The following R3HDM1 variants were observed in gnomAD, a reference collection of about 807,000 sequenced individuals.
R3HDM1 encodes R3H domain-containing protein 1.
Under a neutral mutation model 141.1 loss-of-function variants are expected in R3HDM1, and 46 were observed. That is an observed-to-expected ratio of 0.33 (90% confidence interval 0.26 to 0.42). The LOEUF (loss-of-function observed/expected upper bound fraction) is 0.42. Among genes scored for constraint, R3HDM1 ranks in the 10% least tolerant of loss-of-function variants. The pLI, the probability that R3HDM1 is intolerant of heterozygous loss-of-function variation, is 1.00. For missense variants in R3HDM1, 1,184 were observed against 1,368.3 expected (o/e 0.87, Z 2.12); for synonymous variants, 435 against 472.9 (o/e 0.92, Z 1.04).
intron 21 of R3HDM1, among the ~76,000 whole-genome samples, chr2:135,699,027 A>T (rs1374918709): frequency 8.4e-6 from 1 of 118,674 alleles, no homozygotes; most frequent in Non-Finnish European, 2.0e-5. Context: ...AGATAGATAG[A>T]TAGATAGATA....
intron 1 of R3HDM1, among the ~76,000 whole-genome samples, chr2:135,555,370 C>T (rs970397820): frequency 6.6e-6 from 1 of 151,162 alleles, no homozygotes; most frequent in Non-Finnish European, 1.5e-5. Context: ...TAGTGAGATA[C>T]CTTTGTGTCT....
intron 21 of R3HDM1, among the ~76,000 whole-genome samples, chr2:135,697,889 A>G (rs2073500547): frequency 6.6e-6 from 1 of 151,824 alleles, no homozygotes. Context: ...CCCCATCTCT[A>G]CCAAAAACAA....
intron 3 of R3HDM1, chr2:135,607,928 C>T (rs978211466): frequency 2.9e-5 from 29 of 983,560 alleles, no homozygotes; most frequent in East Asian, 1.1e-4. Flanking sequence ...GCGACTGTAA[C>T]GATTTGGAAG....
chr2:135,719,719 G>C (rs1481472806), intron 24 of R3HDM1, among the ~76,000 whole-genome samples: 1 of 152,024 alleles, frequency 6.6e-6, no homozygotes, highest in Non-Finnish European at 1.5e-5. Flanking sequence ...CTTTATCTAG[G>C]GGATTCCAGA....
chr2:135,608,683 G>A (rs2060279120), intron 3 of R3HDM1, among the ~76,000 whole-genome samples: 1 of 152,114 alleles, frequency 6.6e-6, no homozygotes, highest in Admixed American at 6.5e-5. Flanking sequence ...TACCTCTAAG[G>A]TACTGCCTAA....
At chr2:135,658,359 G>T (rs2066205717) in intron 18 of R3HDM1, among the ~76,000 whole-genome samples, 2 of 152,090 alleles carry the variant, frequency 1.3e-5, no homozygotes, top group South Asian at 4.1e-4. Flanking sequence ...GTAGAGACAG[G>T]GTTTCACTTT....
At chr2:135,595,267 G>A (rs1158682095) in intron 1 of R3HDM1, among the ~76,000 whole-genome samples, 1 of 152,150 alleles carries the variant, frequency 6.6e-6, no homozygotes, top group Non-Finnish European at 1.5e-5. Context: ...TGCACCTTCA[G>A]TGTGTCCTCT....
At chr2:135,632,036 TC>T in intron 9 of R3HDM1, 35 bp downstream of exon 9, 1 of 1,430,192 alleles carries the variant, frequency 7.0e-7, no homozygotes, top group Non-Finnish European at 9.5e-7. Flanking sequence ...ATATTATATA[TC>T]TAAATAATAA....
intron 21 of R3HDM1, among the ~76,000 whole-genome samples, chr2:135,700,881 C>G (rs2074097876): frequency 6.6e-6 from 1 of 152,156 alleles, no homozygotes. Flanking sequence ...AGTAGTCCCC[C>G]TTATCCAGAG....
intron 1 of R3HDM1, chr2:135,581,238 G>T: frequency 1.0e-6 from 1 of 985,434 alleles, no homozygotes; most frequent in Non-Finnish European, 1.2e-6. Context: ...TATGAAGAAA[G>T]TGGGGTATAA....
intron 1 of R3HDM1, among the ~76,000 whole-genome samples, chr2:135,588,981 G>A (rs1398746406): frequency 1.3e-5 from 2 of 152,084 alleles, no homozygotes; most frequent in African/African-American, 4.8e-5. Flanking sequence ...AGTACAGAGA[G>A]TATTTTTTAA....
intron 21 of R3HDM1, among the ~76,000 whole-genome samples, chr2:135,699,028 TAGA>T (rs1559465618): frequency 1.6e-3 from 186 of 118,520 alleles, no homozygotes; most frequent in East Asian, 0.015. Flanking sequence ...GATAGATAGA[TAGA>T]TAGATAGATA....
chr2:135,553,966 A>C (rs1341399743), intron 1 of R3HDM1, among the ~76,000 whole-genome samples: 1 of 151,240 alleles, frequency 6.6e-6, no homozygotes, highest in Non-Finnish European at 1.5e-5. Context: ...CTGGGATTAC[A>C]GGCATGAGCC....
intron 1 of R3HDM1, among the ~76,000 whole-genome samples, chr2:135,580,347 A>C (rs1706523242): frequency 6.6e-6 from 1 of 152,238 alleles, no homozygotes; most frequent in Non-Finnish European, 1.5e-5. Flanking sequence ...AAAAATTTTC[A>C]TGACATAGTA....
At chr2:135,649,638 A>G (rs1291965393) in intron 16 of R3HDM1, among the ~76,000 whole-genome samples, 1 of 152,178 alleles carries the variant, frequency 6.6e-6, no homozygotes, top group Non-Finnish European at 1.5e-5. Flanking sequence ...GTTCCCGTTA[A>G]TCTATAATAA....
intron 20 of R3HDM1, among the ~76,000 whole-genome samples, chr2:135,678,086 TC>T (rs1437407285): frequency 1.3e-5 from 2 of 152,134 alleles, no homozygotes; most frequent in African/African-American, 4.8e-5. Flanking sequence ...TGCTTCAGCC[TC>T]CCTAGTAGCT....
chr2:135,718,534 G>A (rs568745143), intron 24 of R3HDM1, among the ~76,000 whole-genome samples: 3 of 152,258 alleles, frequency 2.0e-5, no homozygotes, highest in African/African-American at 7.2e-5. Context: ...CCAGGCTGCA[G>A]TGCAGTGGTG....
At chr2:135,714,764 TACACACACAC>T (rs144894901) in intron 23 of R3HDM1, among the ~76,000 whole-genome samples, 6 of 146,768 alleles carry the variant, frequency 4.1e-5, no homozygotes, top group African/African-American at 1.2e-4. Flanking sequence ...TATGGGTGTA[TACACACACAC>T]ACACACACAC....
chr2:135,581,784 T>C (rs978140499), intron 1 of R3HDM1, among the ~76,000 whole-genome samples: 4 of 152,226 alleles, frequency 2.6e-5, no homozygotes, highest in African/African-American at 9.6e-5. Flanking sequence ...CATTTTTCTT[T>C]CCCAGTTAAC....
Sources: allele counts gnomAD v4.1 joint callset (sites outside exome capture counted in the v4.1 genomes callset), GRCh38; gene constraint gnomAD v4.1.1; transcripts MANE v1.5; gene names NCBI Gene and HGNC (gene_info 2026-07-23, HGNC 2026-07-21).